VRK2: variants seen among roughly 807,000 people sequenced by gnomAD.
VRK2 encodes the protein VRK serine/threonine kinase 2, also known as serine/threonine-protein kinase VRK2.
A neutral mutation model predicts 57.6 loss-of-function variants in VRK2; 60 were observed. The ratio of observed to expected loss-of-function variants is 1.04; its 90% CI spans 0.85 to 1.29. VRK2 has a LOEUF of 1.29. Ranked by LOEUF, VRK2 falls within the 50% of genes most tolerant of loss-of-function variation. The probability of loss-of-function intolerance (pLI) is 0.00; values close to 1 mark genes in which losing one functional copy is unlikely to be tolerated. For synonymous variants in VRK2, 231 were observed against 199.2 expected (o/e 1.16, Z -1.35); for missense variants, 705 against 588.1 (o/e 1.20, Z -2.06).
At chr2:57,957,157 T>C (rs887451523) in intron 1 of VRK2, among the ~76,000 whole-genome samples, 10 of 152,138 alleles carry the variant, frequency 6.6e-5, no homozygotes, top group African/African-American at 2.4e-4. Flanking sequence ...TCTTTTATAA[T>C]TGAAGTAGAA....
chr2:58,050,118 A>T (rs1449381227), intron 2 of VRK2, among the ~76,000 whole-genome samples: 1 of 152,222 alleles, frequency 6.6e-6, no homozygotes, highest in Non-Finnish European at 1.5e-5. Flanking sequence ...CAAGTTACAT[A>T]TGTAGTTTAA....
chr2:58,010,487 G>A (rs1048556360), intron 1 of VRK2, among the ~76,000 whole-genome samples: 3 of 151,770 alleles, frequency 2.0e-5, no homozygotes, highest in Admixed American at 6.6e-5. Flanking sequence ...GCTAGTTTAC[G>A]TACTGTGAAT....
intron 1 of VRK2, among the ~76,000 whole-genome samples, chr2:57,928,420 A>G (rs1156908198): frequency 6.6e-6 from 1 of 152,022 alleles, no homozygotes; most frequent in Non-Finnish European, 1.5e-5. Flanking sequence ...TTTATATGAT[A>G]GGCTTCTGAA....
At chr2:58,004,858 T>C (rs1032531534) in intron 1 of VRK2, among the ~76,000 whole-genome samples, 1 of 152,170 alleles carries the variant, frequency 6.6e-6, no homozygotes, top group African/African-American at 2.4e-5. Flanking sequence ...AGACATATAC[T>C]AGTTCTTCCA....
At chr2:58,130,856 G>A (rs973696263) in intron 8 of VRK2, among the ~76,000 whole-genome samples, 3 of 151,954 alleles carry the variant, frequency 2.0e-5, no homozygotes, top group Admixed American at 6.6e-5. Context: ...TTTATTTTAC[G>A]GGTATTTGCT....
At chr2:57,946,321 G>GT (rs199644247) in intron 1 of VRK2, among the ~76,000 whole-genome samples, 106 of 150,080 alleles carry the variant, frequency 7.1e-4, no homozygotes, top group South Asian at 8.5e-4. Context: ...TGTCTCCTCT[G>GT]TTTTTTTTTG....
intron 1 of VRK2, among the ~76,000 whole-genome samples, chr2:57,962,509 A>G (rs917379137): frequency 1.4e-4 from 22 of 152,068 alleles, no homozygotes; most frequent in African/African-American, 5.3e-4. Flanking sequence ...GTAGAGATTA[A>G]TTAGTCACCT....
At chr2:58,131,989 G>C (rs760796775) in intron 9 of VRK2, 61 bp downstream of exon 9, 2 of 1,595,514 alleles carry the variant, frequency 1.3e-6, no homozygotes, top group East Asian at 4.5e-5. Context: ...ACATTAAAGG[G>C]AGCTAACAAC....
At chr2:57,990,764 G>C (rs1315895932) in intron 1 of VRK2, among the ~76,000 whole-genome samples, 1 of 152,020 alleles carries the variant, frequency 6.6e-6, no homozygotes, top group Non-Finnish European at 1.5e-5. Context: ...TCGTTGTTTA[G>C]AAAATACTTT....
intron 1 of VRK2, among the ~76,000 whole-genome samples, chr2:57,935,797 A>C (rs1670886300): frequency 6.6e-6 from 1 of 152,222 alleles, no homozygotes; most frequent in Non-Finnish European, 1.5e-5. Flanking sequence ...ACTTTCTGTC[A>C]TTAGAGAAAC....
chr2:58,129,985 A>T (rs1033497215), intron 8 of VRK2, among the ~76,000 whole-genome samples: 1 of 152,222 alleles, frequency 6.6e-6, no homozygotes, highest in African/African-American at 2.4e-5. Flanking sequence ...GTAAGACCAA[A>T]CTATAATAGT....
intron 1 of VRK2, among the ~76,000 whole-genome samples, chr2:58,008,782 T>A (rs1348544527): frequency 2.6e-5 from 4 of 152,102 alleles, no homozygotes; most frequent in Non-Finnish European, 4.4e-5. Flanking sequence ...GATGTCTTAG[T>A]CAATTTGTGC....
intron 2 of VRK2, among the ~76,000 whole-genome samples, chr2:58,069,097 G>T (rs886851225): frequency 1.3e-5 from 2 of 151,890 alleles, no homozygotes; most frequent in African/African-American, 4.8e-5. Flanking sequence ...ATTATTTCAT[G>T]GATATGTTGA....
chr2:58,109,274 G>A (rs891455581), intron 7 of VRK2, among the ~76,000 whole-genome samples: 5 of 152,054 alleles, frequency 3.3e-5, no homozygotes, highest in Admixed American at 3.3e-4. Flanking sequence ...TCAACCCCTA[G>A]GAGCCTACAG....
intron 1 of VRK2, among the ~76,000 whole-genome samples, chr2:57,910,703 T>C (rs1368326052): frequency 6.6e-6 from 1 of 152,148 alleles, no homozygotes; most frequent in Non-Finnish European, 1.5e-5. Context: ...AACACATAAT[T>C]ACTGCTTAAT....
chr2:58,033,977 C>T (rs1674196455), intron 3 of VRK2, among the ~76,000 whole-genome samples: 2 of 152,028 alleles, frequency 1.3e-5, no homozygotes, highest in African/African-American at 4.8e-5. Flanking sequence ...TAAAATAACT[C>T]AAGCTCCCAT....
chr2:58,112,013 G>A (rs1183994255), intron 7 of VRK2, among the ~76,000 whole-genome samples: 3 of 152,052 alleles, frequency 2.0e-5, no homozygotes, highest in Non-Finnish European at 4.4e-5. Flanking sequence ...TATAAAAATA[G>A]GACCTAGACT....
intron 3 of VRK2, among the ~76,000 whole-genome samples, chr2:58,038,510 T>C (rs1376750612): frequency 6.6e-6 from 1 of 152,162 alleles, no homozygotes; most frequent in Non-Finnish European, 1.5e-5. Flanking sequence ...CAGATTTTCA[T>C]TTGTAAAGGT....
chr2:57,971,791 T>TA (rs1467586034), intron 1 of VRK2, among the ~76,000 whole-genome samples: 1 of 151,742 alleles, frequency 6.6e-6, no homozygotes, highest in Admixed American at 6.6e-5. Context: ...GGCAATTTAA[T>TA]AAAATAAAAA....
Sources: allele counts gnomAD v4.1 joint callset (sites outside exome capture counted in the v4.1 genomes callset), GRCh38; gene constraint gnomAD v4.1.1; transcripts MANE v1.5; gene names NCBI Gene and HGNC (gene_info 2026-07-23, HGNC 2026-07-21).